GTPBP4: variants seen among roughly 807,000 people sequenced by gnomAD.
The protein encoded by GTPBP4 is GTP binding protein 4, also known as GTP-binding protein 4.
In GTPBP4, 15 loss-of-function variants were observed where a neutral mutation model predicts 81.7. That is an observed-to-expected ratio of 0.18 (90% CI 0.12 to 0.28). GTPBP4 has a LOEUF of 0.28. Among genes scored for constraint, GTPBP4 ranks in the 10% least tolerant of loss-of-function variants. The pLI is 1.00. For missense variants in GTPBP4, 847 were observed against 793.8 expected (o/e 1.07, Z -0.81); for synonymous variants, 272 against 274.6 (o/e 0.99, Z 0.09).
In GTPBP4 at chr10:1,017,100, T is replaced by G. The variant is rs761622093; in HGVS notation, c.1778T>G (p.Met593Arg). 6.2e-7 allele frequency: 1 copy of G among 1,613,828 alleles called. No individual in the cohort carries two copies. ...ATGGTGAAGAAAGCCAAGACTATGA[T>G]GAAGAATGCTCAGAAGAAGATGAAT... Reference protein sequence around the residue: ...VKMVKKAKTMMKNAQKKMNRL... With the variant: ...VKMVKKAKTMRKNAQKKMNRL... The change falls in exon 17 of 17, where the codon ATG (methionine) becomes AGG (arginine). Residue 593 changes from methionine to arginine, a missense_variant. Transcript: ENST00000360803.
chr10:1,015,822 C>G lies in GTPBP4; in HGVS notation c.1678C>G (p.Pro560Ala). 6.2e-7 allele frequency: 1 copy of G among 1,613,836 alleles called. No homozygotes were observed. Among genetic ancestry groups the G allele is most frequent in the African/African-American group, 1.3e-5 (1 of 75,054 alleles). The change falls in exon 16 of 17, where the codon CCC becomes GCC. Residue 560 changes from proline (P) to alanine (A), a missense_variant. Coordinates refer to ENST00000360803, the MANE Select transcript of GTPBP4 (RefSeq NM_012341.3). ...TRKRKREDSA[P>A]PSSVARSGSC... Reference sequence around the variant, plus strand: ...GAAAAGAAAGCGGGAAGACTCTGCTCCCCCGTCCTCTGTGGCCCGGAGTGG... The same window carrying G: ...GAAAAGAAAGCGGGAAGACTCTGCTGCCCCGTCCTCTGTGGCCCGGAGTGG...
intron 11 of GTPBP4, 89 bp downstream of exon 11, chr10:1,009,124 G>A: frequency 1.1e-6 from 1 of 923,222 alleles, no homozygotes; most frequent in Non-Finnish European, 1.7e-6. Flanking sequence ...TCGAACAGGA[G>A]CCGCGGGTGC....
intron 11 of GTPBP4, 75 bp downstream of exon 11, chr10:1,009,110 G>A (rs1831804437): frequency 1.7e-6 from 2 of 1,149,622 alleles, no homozygotes; most frequent in African/African-American, 3.0e-5. Flanking sequence ...GGGGGCCTGG[G>A]GCATCGAACA....
intron 16 of GTPBP4, among the ~76,000 whole-genome samples, 179 bp from the exon 17 acceptor site, chr10:1,016,896 A>G (rs1299487452): frequency 6.6e-6 from 1 of 152,050 alleles, no homozygotes; most frequent in Non-Finnish European, 1.5e-5. Context: ...TGCTGGGCTT[A>G]AGAGAAAAGA....
chr10:1,010,604 A>C (rs1831835860), intron 13 of GTPBP4, 84 bp downstream of exon 13: 4 of 812,250 alleles, frequency 4.9e-6, no homozygotes, highest in Non-Finnish European at 8.8e-6. Flanking sequence ...GCTTCGGCTC[A>C]GCTGGGCCTG....
chr10:1,015,813 G>T lies in GTPBP4; in HGVS notation c.1669G>T (p.Asp557Tyr). The stretch of plus-strand genomic sequence containing the variant: ...CATCACTAGGAAAAGAAAGCGGGAA[G>T]ACTCTGCTCCCCCGTCCTCTGTGGC... ...RSITRKRKRE[D>Y]SAPPSSVARS... The change falls in exon 16 of 17, where the codon GAC becomes TAC. Residue 557 changes from aspartate (D) to tyrosine (Y), a missense_variant. This residue lies in a region of GTPBP4 where 600 missense variants were observed against 557.1 expected (regional missense o/e 1.08). Transcript: ENST00000360803. 6.2e-7 allele frequency: 1 copy of T among 1,614,062 alleles called. No individual in the cohort carries two copies. The highest frequency in any genetic ancestry group is 8.5e-7 in the Non-Finnish European group (1 of 1,179,882).
chr10:1,009,650 A>G (rs1831813605), intron 12 of GTPBP4, 70 bp downstream of exon 12: 2 of 887,322 alleles, frequency 2.3e-6, no homozygotes, highest in Admixed American at 3.5e-5. Context: ...AAATGGGGGA[A>G]AGACTTTAAT....
intron 16 of GTPBP4, 68 bp downstream of exon 16, chr10:1,015,964 C>A: frequency 2.2e-6 from 3 of 1,366,744 alleles, no homozygotes; most frequent in Non-Finnish European, 3.1e-6. Flanking sequence ...GGGTTCAGGG[C>A]AAACACCAGC....
Position 992,421 on chromosome 10 carries a change from G to A in GTPBP4, c.49-68G>A, listed in dbSNP as rs550444672. ...TCTCAAAAAAAAAAAAAAAAAGGAAGGTTTCAAATAAATGGCTCAAAAGTA... is the reference window on the plus strand; with the variant it reads ...TCTCAAAAAAAAAAAAAAAAAGGAAAGTTTCAAATAAATGGCTCAAAAGTA... On this transcript the variant is annotated intron_variant, in intron 1 of 16. Coordinates refer to ENST00000360803, the MANE Select transcript of GTPBP4 (RefSeq NM_012341.3). The A allele has an allele frequency of 9.6e-6, 9 of 935,440 alleles. No homozygotes were observed. The South Asian group carries it at 1.2e-4, about 12-fold the overall frequency. The allele number at this position is 935,440 out of a possible 1,614,324, so 57.9% of individuals were successfully genotyped here. A position where few individuals can be genotyped will look rare whatever the true frequency, so the allele number is the denominator to read the frequency against.
At chr10:993,247 G>A (rs776133090) in intron 2 of GTPBP4, among the ~76,000 whole-genome samples, 1 of 152,076 alleles carries the variant, frequency 6.6e-6, no homozygotes, top group Non-Finnish European at 1.5e-5. Flanking sequence ...CAGTTTGCCT[G>A]TTTCTTTTTT....
chr10:1,014,555 A>T (rs1831941889), intron 15 of GTPBP4, among the ~76,000 whole-genome samples: 1 of 152,178 alleles, frequency 6.6e-6, no homozygotes, highest in African/African-American at 2.4e-5. Context: ...GTTACTCAGG[A>T]TGCTGAGGCA....
chr10:1,005,396 C>G (rs1281927160), intron 8 of GTPBP4, among the ~76,000 whole-genome samples: 1 of 152,176 alleles, frequency 6.6e-6, no homozygotes, highest in Admixed American at 6.5e-5. Flanking sequence ...CCACCCGCCT[C>G]GGCCTCCCAA....
At chr10:998,861 C>G in intron 5 of GTPBP4, 142 bp from the exon 6 acceptor site, 1 of 612,172 alleles carries the variant, frequency 1.6e-6, no homozygotes, top group Non-Finnish European at 3.0e-6. Flanking sequence ...GGAGAGGTAC[C>G]AGGCTCCTAT....
intron 10 of GTPBP4, chr10:1,007,930 T>C (rs1429467350): frequency 3.9e-6 from 2 of 517,850 alleles, no homozygotes; most frequent in African/African-American, 3.9e-5. Context: ...ATTTGTTACT[T>C]TTGTATTACA....
In GTPBP4 at chr10:1,016,534, T is replaced by C. The variant is rs59266770; in HGVS notation, c.1753-541T>C. 9.9e-3 allele frequency among the ~76,000 whole-genome samples: 1,515 copies of C among 152,376 alleles called. 28 individuals are homozygous for C. The highest frequency in any genetic ancestry group is 0.034 in the African/African-American group (1,414 of 41,590). ...GCCTGAGCTTCACTCCTCTGTGCCA[T>C]TGCCATCTTGAAACCTGGCTGTTAA... On this transcript the variant is annotated intron_variant, in intron 16 of 16. Coordinates refer to ENST00000360803, the MANE Select transcript of GTPBP4 (RefSeq NM_012341.3).
chr10:1,009,680 G>A, intron 12 of GTPBP4, 100 bp downstream of exon 12: 1 of 800,922 alleles, frequency 1.2e-6, no homozygotes, highest in Non-Finnish European at 2.2e-6. Flanking sequence ...AAGTGTTTCA[G>A]CCTATTTGTC....
Position 1,017,126 on chromosome 10 carries a change from C to G in GTPBP4, c.1804C>G (p.Arg602Gly), listed in dbSNP as rs755719339. The G allele has an allele frequency of 6.2e-7, 1 of 1,613,320 alleles. No individual in the cohort carries two copies. Among genetic ancestry groups the G allele is most frequent in the Non-Finnish European group, 8.5e-7 (1 of 1,179,412 alleles). The change falls in exon 17 of 17, where the codon CGG becomes GGG. Residue 602 changes from arginine (R) to glycine (G), a missense_variant. Coordinates refer to ENST00000360803, the MANE Select transcript of GTPBP4 (RefSeq NM_012341.3). ...GAAGAATGCTCAGAAGAAGATGAAT[C>G]GGTTGGGGAAGAAAGGGGAGGCGGA... ...MMKNAQKKMNRLGKKGEADRH... is the reference protein window; with the variant it reads ...MMKNAQKKMNGLGKKGEADRH...
intron 8 of GTPBP4, among the ~76,000 whole-genome samples, chr10:1,004,531 A>ATC (rs1831691478): frequency 6.6e-6 from 1 of 152,042 alleles, no homozygotes; most frequent in African/African-American, 2.4e-5. Flanking sequence ...CGCCCCAGGC[A>ATC]CCGTTGCCCT....
In GTPBP4 at chr10:1,000,815, C is replaced by G; in HGVS notation, c.793C>G (p.Leu265Val). 1 of 1,610,834 alleles carries G rather than the reference C, an allele frequency of 6.2e-7. No homozygotes were observed. The highest frequency in any genetic ancestry group is 8.5e-7 in the Non-Finnish European group (1 of 1,178,198). The part of the protein sequence containing the change: ...MDLSEQCGHG[L>V]REQLELFQNI... Reference sequence around the variant, plus strand: ...TTTGTCTGAGCAGTGTGGGCATGGGCTGAGGGAGCAGCTAGAACTCTTCCA... The same window carrying G: ...TTTGTCTGAGCAGTGTGGGCATGGGGTGAGGGAGCAGCTAGAACTCTTCCA... Residue 265 changes from leucine (L) to valine (V), a missense_variant, in exon 7 of 17, where the codon CTG becomes GTG. Around this residue, in one of 3 missense-constraint regions of GTPBP4, gnomAD observed 600 missense variants for 557.1 expected, o/e 1.08. Coordinates refer to ENST00000360803, the MANE Select transcript of GTPBP4 (RefSeq NM_012341.3).
Sources: allele counts gnomAD v4.1 joint callset (sites outside exome capture counted in the v4.1 genomes callset), GRCh38; gene constraint gnomAD v4.1.1; regional missense constraint gnomAD v4.1.1; transcripts MANE v1.5; gene names NCBI Gene and HGNC (gene_info 2026-07-23, HGNC 2026-07-21).